Variants in FAN1 observed in about 807,000 individuals in gnomAD.
FAN1 encodes the protein FANCD2 and FANCI associated nuclease 1, also known as fanconi-associated nuclease 1.
In FAN1, 91 loss-of-function variants were observed where a neutral mutation model predicts 104.9. The observed-to-expected ratio is 0.87, with a 90% CI of 0.73 to 1.03. The LOEUF is 1.03. FAN1 is among the 50% of genes least tolerant of loss of function. FAN1 has a pLI of 0.00. For synonymous variants in FAN1, 478 were observed against 457.6 expected (o/e 1.04, Z -0.57); for missense variants, 1,263 against 1,239.9 (o/e 1.02, Z -0.28).
Position 30,942,819 on chromosome 15 carries a change from GCTCT to G in FAN1, c.*1260_*1263del. On this transcript the variant is annotated 3_prime_UTR_variant, in exon 15 of 15. Coordinates refer to ENST00000362065, the MANE Select transcript of FAN1 (RefSeq NM_014967.5). ...TCTTGGAAGTGCCTTTACTTTTAACGCTCTCTGTTCTGAAAAAGAGGTGTTTGGT... is the reference window on the plus strand; with the variant it reads ...TCTTGGAAGTGCCTTTACTTTTAACGCTGTTCTGAAAAAGAGGTGTTTGGT... 1 of 1,411,462 alleles carries G rather than the reference GCTCT, an allele frequency of 7.1e-7. No homozygotes were observed. Among genetic ancestry groups the G allele is most frequent in the Non-Finnish European group, 9.5e-7 (1 of 1,050,446 alleles). The allele number at this position is 1,411,462 out of a possible 1,614,324, so 87.4% of individuals were successfully genotyped here.
Position 30,942,282 on chromosome 15 carries a change from T to A in FAN1, c.*720T>A. 1.6e-6 allele frequency: 1 copy of A among 634,762 alleles called. No individual in the cohort carries two copies. The highest frequency in any genetic ancestry group is 2.7e-6 in the Non-Finnish European group (1 of 374,594). The allele number at this position is 634,762 out of a possible 1,614,324, so 39.3% of individuals were successfully genotyped here. A position where few individuals can be genotyped will look rare whatever the true frequency, so the allele number is the denominator to read the frequency against. On this transcript the variant is annotated 3_prime_UTR_variant, in exon 15 of 15. Coordinates refer to ENST00000362065, the MANE Select transcript of FAN1 (RefSeq NM_014967.5). ...GTTGACTCTACCTAGGCTGTTACTA[T>A]CAGCCTGAATGGGGGCGGGATGAGA...
chr15:30,914,875 T>C (rs941786908), intron 5 of FAN1, among the ~76,000 whole-genome samples: 4 of 152,200 alleles, frequency 2.6e-5, no homozygotes, highest in African/African-American at 9.7e-5. Flanking sequence ...ACGGATTTAG[T>C]GAAAATTTGG....
At chr15:30,914,810 G>T (rs1488861504) in intron 5 of FAN1, among the ~76,000 whole-genome samples, 1 of 152,118 alleles carries the variant, frequency 6.6e-6, no homozygotes, top group African/African-American at 2.4e-5. Context: ...TCATACATAT[G>T]ATAATTAGAT....
intron 4 of FAN1, among the ~76,000 whole-genome samples, chr15:30,912,471 C>G (rs2062118968): frequency 6.6e-6 from 1 of 152,190 alleles, no homozygotes; most frequent in African/African-American, 2.4e-5. Context: ...CTGGGGCATC[C>G]CCGGGACTCT....
At chr15:30,922,206 A>G (rs2062350251) in intron 7 of FAN1, 29 bp from the exon 8 acceptor site, 2 of 1,597,496 alleles carry the variant, frequency 1.3e-6, no homozygotes, top group East Asian at 2.2e-5. Flanking sequence ...TGTGAATCTA[A>G]TGAGGTTTCT....
At chr15:30,930,752 G>A in intron 13 of FAN1, 81 bp downstream of exon 13, 1 of 1,527,980 alleles carries the variant, frequency 6.5e-7, no homozygotes, top group Non-Finnish European at 9.0e-7. Context: ...CATTTCTTGA[G>A]TGGCTGTTGG....
intron 13 of FAN1, among the ~76,000 whole-genome samples, chr15:30,932,298 A>G (rs529367596): frequency 6.6e-6 from 1 of 152,024 alleles, no homozygotes; most frequent in South Asian, 2.1e-4. Context: ...TCTGAGAGGA[A>G]TTGGTATCTT....
At position 30,910,770 on chromosome 15, in the gene FAN1, C is replaced by G. The variant is rs1427088834; in HGVS notation, c.1532C>G (p.Thr511Ser). 3 of 1,614,056 alleles carry G rather than the reference C, an allele frequency of 1.9e-6. No individual in the cohort carries two copies. Among genetic ancestry groups the G allele is most frequent in the South Asian group, 1.1e-5 (1 of 91,074 alleles). ...TTGGCCAAACAGCGTTCAGTCTGCACTTGGGGCAAGAATAAGCCTGGAATT... is the reference window on the plus strand; with the variant it reads ...TTGGCCAAACAGCGTTCAGTCTGCAGTTGGGGCAAGAATAAGCCTGGAATT... The part of the protein sequence containing the change: ...LKLAKQRSVC[T>S]WGKNKPGIGA... Residue 511 changes from threonine (T) to serine (S), a missense_variant, in exon 4 of 15, where the codon ACT becomes AGT. By Grantham distance (58) the Thr-to-Ser change is moderately conservative. Transcript: ENST00000362065.
In FAN1 at chr15:30,942,951, T is replaced by C. The variant is rs745948934; in HGVS notation, c.*1389T>C. The C allele has an allele frequency of 1.3e-6, 2 of 1,563,138 alleles. No individual in the cohort carries two copies. Among genetic ancestry groups the C allele is most frequent in the Non-Finnish European group, 8.7e-7 (1 of 1,151,684 alleles). ...TATACAAGGTGTGCTCTTTCCAATG[T>C]AGAAGGGGTTATGGAAAAGGGTGCG... On this transcript the variant is annotated 3_prime_UTR_variant, in exon 15 of 15. Transcript: ENST00000362065.
intron 10 of FAN1, 33 bp from the exon 11 acceptor site, chr15:30,928,506 TTGTGTGTGTGTGTG>T (rs61136501): frequency 3.8e-5 from 56 of 1,484,518 alleles, no homozygotes; most frequent in East Asian, 5.1e-5. Context: ...AAAACAGATT[TTGTGTGTGTGTGTG>T]TGTGTGTGTG....
chr15:30,929,297 A>G lies in FAN1; in HGVS notation c.2687A>G (p.Glu896Gly), dbSNP rs1484777821. Reference sequence around the variant, plus strand: ...CAGCTGATTCATGATGCCCCCGAGGAGAGCCTGCGGGCCTGGGTGGCAGCC... The same window carrying G: ...CAGCTGATTCATGATGCCCCCGAGGGGAGCCTGCGGGCCTGGGTGGCAGCC... ...RLQLIHDAPE[E>G]SLRAWVAATW... The change falls in exon 12 of 15, where the codon GAG becomes GGG. Residue 896 changes from glutamate to glycine, a missense_variant. Around this residue, in one of 2 missense-constraint regions of FAN1, gnomAD observed 581 missense variants for 668.8 expected, o/e 0.87. Coordinates refer to ENST00000362065, the MANE Select transcript of FAN1 (RefSeq NM_014967.5). 6.2e-7 allele frequency: 1 copy of G among 1,613,074 alleles called. No homozygotes were observed.
intron 14 of FAN1, among the ~76,000 whole-genome samples, chr15:30,937,755 G>A (rs561136779): frequency 6.6e-6 from 1 of 151,916 alleles, no homozygotes; most frequent in South Asian, 2.1e-4. Context: ...ACTGTACCCA[G>A]CTCATAATGA....
At chr15:30,925,359 TC>T in intron 9 of FAN1, 68 bp downstream of exon 9, 1 of 1,413,056 alleles carries the variant, frequency 7.1e-7, no homozygotes, top group Admixed American at 2.0e-5. Flanking sequence ...ACCAGAAGCA[TC>T]CTAAGAGCTG....
At chr15:30,920,708 G>A (rs1042647393) in intron 7 of FAN1, 55 bp downstream of exon 7, 7 of 1,013,786 alleles carry the variant, frequency 6.9e-6, no homozygotes, top group Admixed American at 2.1e-5. Flanking sequence ...CGTTAAACAT[G>A]TGAAGGGACA....
Position 30,918,214 on chromosome 15 carries a change from A to G in FAN1, c.1862A>G (p.Asn621Ser), listed in dbSNP as rs139185318. 101 of 1,613,958 alleles carry G rather than the reference A, an allele frequency of 6.3e-5. No individual in the cohort carries two copies. The highest frequency in any genetic ancestry group is 2.0e-4 in the Admixed American group (12 of 59,998). ...AGTGACATTTCTTCCGCAATGGCCA[A>G]TGGGAACTGGGAAGAAGCTAAGGAG... Reference protein sequence around the residue: ...MLSDISSAMANGNWEEAKELA... With the variant: ...MLSDISSAMASGNWEEAKELA... The change falls in exon 6 of 15, where the codon AAT becomes AGT. Residue 621 changes from asparagine (N) to serine (S), a missense_variant. Around this residue, in one of 2 missense-constraint regions of FAN1, gnomAD observed 581 missense variants for 668.8 expected, o/e 0.87. Transcript: ENST00000362065.
rs778731170 is a variant in FAN1 at position 30,905,626 on chromosome 15, A to T, written c.963A>T (p.Ala321=). Residue 321 remains alanine, a synonymous_variant, in exon 2 of 15, where the codon GCA becomes GCT. Coordinates refer to ENST00000362065, the MANE Select transcript of FAN1 (RefSeq NM_014967.5). ...EAKIQLSDSE[A]KSHSSADDAS... is the part of the protein sequence containing the mutation. The stretch of plus-strand genomic sequence containing the variant: ...AAATACAGCTGTCAGATTCAGAGGC[A>T]AAATCTCATAGTTCTGCAGATGATG... 62 of 1,614,002 alleles carry T rather than the reference A, an allele frequency of 3.8e-5. No individual in the cohort carries two copies. The highest frequency in any genetic ancestry group is 1.1e-5 in the Non-Finnish European group (13 of 1,179,984).
rs781480824 is a variant in FAN1 at position 30,914,010 on chromosome 15, T to C, written c.1730T>C (p.Val577Ala). The C allele has an allele frequency of 1.2e-6, 2 of 1,614,192 alleles. No homozygotes were observed. The highest frequency in any genetic ancestry group is 1.1e-5 in the South Asian group (1 of 91,084). Residue 577 changes from valine (V) to alanine (A), a missense_variant, in exon 5 of 15, where the codon GTC becomes GCC. Transcript: ENST00000362065. ...GQGQLSTVLL[V>A]NLGRMEFPSY... ...GGACAGCTTTCAACAGTCCTGTTGGTCAACCTCGGCCGAATGGAGTTTCCT... is the reference window on the plus strand; with the variant it reads ...GGACAGCTTTCAACAGTCCTGTTGGCCAACCTCGGCCGAATGGAGTTTCCT...
chr15:30,942,808 T>TTGTTAAG lies in FAN1; in HGVS notation c.*1247_*1248insGTTAAGT. On this transcript the variant is annotated 3_prime_UTR_variant, in exon 15 of 15. Transcript: ENST00000362065. ...AGCAGTGTTACTCTTGGAAGTGCCT[T>TTGTTAAG]TACTTTTAACGCTCTCTGTTCTGAA... 2.9e-6 allele frequency: 4 copies of TTGTTAAG among 1,376,718 alleles called. No individual in the cohort carries two copies. Among genetic ancestry groups the TTGTTAAG allele is most frequent in the Non-Finnish European group, 3.9e-6 (4 of 1,026,006 alleles). The allele number at this position is 1,376,718 out of a possible 1,614,324, so 85.3% of individuals were successfully genotyped here.
At chr15:30,909,114 G>A (rs182237092) in intron 3 of FAN1, among the ~76,000 whole-genome samples, 276 of 152,304 alleles carry the variant, frequency 1.8e-3, no homozygotes, top group African/African-American at 6.4e-3. Flanking sequence ...AGTAGCATTC[G>A]TTAAGTACCT....
Sources: allele counts gnomAD v4.1 joint callset (sites outside exome capture counted in the v4.1 genomes callset), GRCh38; gene constraint gnomAD v4.1.1; regional missense constraint gnomAD v4.1.1; transcripts MANE v1.5; gene names NCBI Gene and HGNC (gene_info 2026-07-23, HGNC 2026-07-21).